DGKB: variants seen among roughly 807,000 people sequenced by gnomAD.
DGKB encodes the protein diacylglycerol kinase beta.
A neutral mutation model predicts 114.3 loss-of-function variants in DGKB; 67 were observed. The observed-to-expected ratio is 0.59, with a 90% CI of 0.48 to 0.72. DGKB has a LOEUF of 0.72. DGKB is among the 30% of genes least tolerant of loss of function. The probability of loss-of-function intolerance (pLI) is 0.00; values close to 1 mark genes in which losing one functional copy is unlikely to be tolerated. For synonymous variants in DGKB, 398 were observed against 323.1 expected (o/e 1.23, Z -2.49); for missense variants, 907 against 975.2 (o/e 0.93, Z 0.93).
intron 23 of DGKB, among the ~76,000 whole-genome samples, chr7:14,214,025 A>G (rs562163862): frequency 2.9e-4 from 44 of 151,990 alleles, no homozygotes; most frequent in African/African-American, 1.0e-3. Context: ...TCTCTTCCCA[A>G]GTACTCCTTA....
chr7:14,820,175 G>A (rs1844722534), intron 2 of DGKB, among the ~76,000 whole-genome samples: 1 of 151,680 alleles, frequency 6.6e-6, no homozygotes, highest in African/African-American at 2.4e-5. Flanking sequence ...GCCATACTTG[G>A]TCACCTTTTA....
chr7:14,519,547 A>G (rs1403091137), intron 20 of DGKB, among the ~76,000 whole-genome samples: 1 of 152,078 alleles, frequency 6.6e-6, no homozygotes, highest in Non-Finnish European at 1.5e-5. Flanking sequence ...CGATATGAAT[A>G]TTACATACAA....
intron 1 of DGKB, among the ~76,000 whole-genome samples, chr7:14,887,055 G>C (rs1780400257): frequency 1.3e-5 from 2 of 151,742 alleles, no homozygotes; most frequent in Admixed American, 1.3e-4. Flanking sequence ...AGATTCTCTT[G>C]ACTAGGTCAG....
chr7:14,853,471 G>A (rs1383712324), intron 1 of DGKB, among the ~76,000 whole-genome samples: 2 of 151,426 alleles, frequency 1.3e-5, no homozygotes, highest in African/African-American at 4.9e-5. Context: ...AATATTAAGT[G>A]TGCTTTGTTT....
intron 13 of DGKB, among the ~76,000 whole-genome samples, chr7:14,645,152 A>C (rs746631239): frequency 1.1e-4 from 17 of 152,080 alleles, no homozygotes; most frequent in Non-Finnish European, 2.2e-4. Flanking sequence ...CCCGATTCTA[A>C]GCCCATAAAA....
chr7:14,397,317 G>A (rs1008360971), intron 21 of DGKB, among the ~76,000 whole-genome samples: 3 of 152,198 alleles, frequency 2.0e-5, no homozygotes, highest in Admixed American at 6.5e-5. Flanking sequence ...CTGTTTAAGC[G>A]TAGTGGTTGG....
chr7:14,209,577 G>T, intron 23 of DGKB: 1 of 481,786 alleles, frequency 2.1e-6, no homozygotes, highest in East Asian at 6.3e-5. Flanking sequence ...GGGCTCCAGA[G>T]GTTCACATTC....
chr7:14,571,812 G>A (rs976453351), intron 20 of DGKB, among the ~76,000 whole-genome samples: 6 of 152,156 alleles, frequency 3.9e-5, no homozygotes, highest in Non-Finnish European at 7.3e-5. Context: ...GTGTTTGAGC[G>A]CAATCTCTAG....
chr7:14,968,276 G>C (rs1345074116), intron 1 of DGKB, among the ~76,000 whole-genome samples: 1 of 151,690 alleles, frequency 6.6e-6, no homozygotes, highest in Non-Finnish European at 1.5e-5. Flanking sequence ...TTTCTAACTT[G>C]AGGCTTTAGA....
chr7:14,342,646 A>G (rs1006658768), intron 22 of DGKB, among the ~76,000 whole-genome samples: 2 of 151,896 alleles, frequency 1.3e-5, no homozygotes, highest in African/African-American at 4.8e-5. Context: ...TTTCTCTTAA[A>G]TTACTGAAGA....
chr7:14,517,348 AAAACCATGG>A (rs1788985286), intron 20 of DGKB, among the ~76,000 whole-genome samples: 1 of 152,156 alleles, frequency 6.6e-6, no homozygotes, highest in Non-Finnish European at 1.5e-5. Context: ...TAAAACTATA[AAAACCATGG>A]AAGACAGCCT....
At chr7:14,367,012 A>T (rs923824527) in intron 21 of DGKB, among the ~76,000 whole-genome samples, 5 of 152,124 alleles carry the variant, frequency 3.3e-5, no homozygotes, top group Non-Finnish European at 7.4e-5. Context: ...GTGCACATTC[A>T]ACAAACACTA....
intron 2 of DGKB, among the ~76,000 whole-genome samples, chr7:14,801,925 T>TATACACAC (rs1554281696): frequency 0.088 from 12,991 of 147,960 alleles, 976 homozygotes; most frequent in African/African-American, 0.2. Flanking sequence ...TATATACATA[T>TATACACAC]ACACACACAC....
intron 23 of DGKB, among the ~76,000 whole-genome samples, chr7:14,319,885 A>T (rs1807407068): frequency 6.6e-6 from 1 of 152,198 alleles, no homozygotes; most frequent in Non-Finnish European, 1.5e-5. Context: ...GTTCATCCAC[A>T]AGCATCTTCT....
intron 23 of DGKB, 121 bp downstream of exon 23, chr7:14,338,394 G>A: frequency 1.9e-6 from 1 of 537,218 alleles, no homozygotes; most frequent in Non-Finnish European, 3.0e-6. Context: ...CCCATAATAT[G>A]AAAAATACAA....
intron 23 of DGKB, among the ~76,000 whole-genome samples, chr7:14,187,651 C>G (rs551832016): frequency 6.6e-6 from 1 of 152,258 alleles, no homozygotes; most frequent in Admixed American, 6.5e-5. Context: ...ACTGAGTCGA[C>G]CTAGAGCTAA....
intron 10 of DGKB, among the ~76,000 whole-genome samples, chr7:14,683,269 T>C (rs885438): frequency 0.6 from 90,958 of 152,020 alleles, 28,277 homozygotes; most frequent in East Asian, 0.86. Flanking sequence ...TGAGTTTATG[T>C]TATTTTGTCT....
At chr7:14,696,942 C>A (rs1266176666) in intron 8 of DGKB, among the ~76,000 whole-genome samples, 1 of 152,100 alleles carries the variant, frequency 6.6e-6, no homozygotes, top group African/African-American at 2.4e-5. Flanking sequence ...TAGATGTGAA[C>A]AGAGGTTAAA....
At chr7:14,885,337 C>A (rs1283438651) in intron 1 of DGKB, among the ~76,000 whole-genome samples, 1 of 151,832 alleles carries the variant, frequency 6.6e-6, no homozygotes, top group Non-Finnish European at 1.5e-5. Flanking sequence ...ATATAGGAGG[C>A]AAACAAGATT....
Sources: allele counts gnomAD v4.1 joint callset (sites outside exome capture counted in the v4.1 genomes callset), GRCh38; gene constraint gnomAD v4.1.1; transcripts MANE v1.5; gene names NCBI Gene and HGNC (gene_info 2026-07-23, HGNC 2026-07-21).